The following RARG variants were observed in gnomAD, a reference collection of about 807,000 sequenced individuals.
The protein encoded by RARG is retinoic acid receptor gamma, also known as RAR-gamma.
Under a neutral mutation model 43.7 loss-of-function variants are expected in RARG, and 17 were observed. The ratio of observed to expected loss-of-function variants is 0.39; its 90% confidence interval spans 0.27 to 0.58. RARG has a LOEUF of 0.58. Among genes scored for constraint, RARG ranks in the 20% least tolerant of loss-of-function variants. The pLI is 0.57. For missense variants in RARG, 346 were observed against 598.7 expected, an observed-to-expected ratio of 0.58 and a Z score of 4.40; for synonymous variants, 238 against 236.4, an observed-to-expected ratio of 1.01 and a Z score of -0.06.
intron 3 of RARG, among the ~76,000 whole-genome samples, chr12:53,226,450 C>G (rs1943108317): frequency 6.6e-6 from 1 of 152,146 alleles, no homozygotes; most frequent in South Asian, 2.1e-4. Flanking sequence ...GCCTCAGCCT[C>G]CCAAGTAGCT....
chr12:53,221,849 C>T (rs187559407), intron 3 of RARG, among the ~76,000 whole-genome samples: 4,232 of 151,788 alleles, frequency 0.028, 121 homozygotes, highest in South Asian at 0.1. Context: ...CGGCCCGGCC[C>T]TTCCCCCGCC....
chr12:53,213,270 G>A lies in RARG; in HGVS notation c.1019-27C>T, dbSNP rs772890939. On this transcript the variant is annotated intron_variant, in intron 8 of 9. Coordinates refer to ENST00000425354, the MANE Select transcript of RARG (RefSeq NM_000966.6). The surrounding 1 kb of genome is among the most constrained non-coding windows in gnomAD (Gnocchi z 4.7). ...TATGGGGACAAGTATACTGGAGTGA[G>A]AGGGGAAGGAAGAGATGGGGAAGAC... 1.3e-6 allele frequency: 2 copies of A among 1,537,796 alleles called. No homozygotes were observed. The highest frequency in any genetic ancestry group is 1.7e-4 in the Middle Eastern group (1 of 5,882).
At position 53,231,974 on chromosome 12, in the gene RARG, CTGGAGT is replaced by C. The variant is rs1358573962; in HGVS notation, c.-216_-211del. ...GAGCCTGCTTCCCCGCCTGACTCAC[CTGGAGT>C]GGGAGGGGGAAGGGAGGCGGCGGAG... On this transcript the variant is annotated splice_region_variant and 5_prime_UTR_variant, in exon 1 of 10. Coordinates refer to ENST00000425354, the MANE Select transcript of RARG (RefSeq NM_000966.6). The C allele has an allele frequency of 7.6e-6, 3 of 396,558 alleles. No homozygotes were observed. Among genetic ancestry groups the C allele is most frequent in the Non-Finnish European group, 1.3e-5 (3 of 225,144 alleles). 24.6% of individuals were successfully genotyped at this position (396,558 alleles called of 1,614,324 possible).
chr12:53,223,741 G>C (rs1220036304), intron 3 of RARG, among the ~76,000 whole-genome samples: 2 of 152,136 alleles, frequency 1.3e-5, no homozygotes, highest in African/African-American at 4.8e-5. Context: ...GCACCTTTGG[G>C]CCTGGGTAGC....
intron 3 of RARG, among the ~76,000 whole-genome samples, chr12:53,216,077 A>G (rs1475380427): frequency 6.6e-6 from 1 of 152,170 alleles, no homozygotes; most frequent in Non-Finnish European, 1.5e-5. Flanking sequence ...TTAATCCTCC[A>G]AATTCCAGAC....
In RARG at chr12:53,213,163, G is replaced by A. The variant is rs1222949637; in HGVS notation, c.1099C>T (p.Arg367Cys). The A allele has an allele frequency of 3.1e-6, 5 of 1,613,250 alleles. No homozygotes were observed. The highest frequency in any genetic ancestry group is 1.7e-5 in the Admixed American group (1 of 59,996). ...ATGTAGGGCTGGCTGGGCCGCCGGC[G>A]CCGGGCGTACAGCCTCAGGGCTTCC... ...LLEALRLYAR[R>C]RRPSQPYMFP... The change falls in exon 9 of 10, where the codon CGC (arginine) becomes TGC (cysteine). Residue 367 changes from arginine (R) to cysteine (C), a missense_variant. Around this residue, in one of 8 missense-constraint regions of RARG, gnomAD observed 25 missense variants for 23.0 expected, o/e 1.09. Coordinates refer to ENST00000425354, the MANE Select transcript of RARG (RefSeq NM_000966.6). This position sits in a 1 kb window ranked among gnomAD's most constrained non-coding sequence, Gnocchi z 4.7.
At chr12:53,212,735 TATACACAC>T (rs1165307269) in intron 9 of RARG, among the ~76,000 whole-genome samples, 17 of 136,986 alleles carry the variant, frequency 1.2e-4, no homozygotes, top group African/African-American at 3.2e-4. Context: ...TAAATATATA[TATACACAC>T]ACACACACAC....
At position 53,213,584 on chromosome 12, in the gene RARG, A is replaced by G; in HGVS notation, c.930T>C (p.Leu310=). The G allele has an allele frequency of 6.2e-7, 1 of 1,613,960 alleles. No individual in the cohort carries two copies. Among genetic ancestry groups the G allele is most frequent in the Admixed American group, 1.7e-5 (1 of 60,016 alleles). ...GGAGCTGCCCAGCAAAGGCAAAGAC[A>G]AGGTCTGTGAGGGGCCCGAAGCCGG... The part of the protein sequence containing the change: ...HNAGFGPLTD[L]VFAFAGQLLP... The change falls in exon 8 of 10, where the codon CTT becomes CTC. Residue 310 remains leucine, a synonymous_variant. Transcript: ENST00000425354. The surrounding 1 kb of genome is among the most constrained non-coding windows in gnomAD (Gnocchi z 4.7).
At chr12:53,224,776 C>T (rs1322413009) in intron 3 of RARG, among the ~76,000 whole-genome samples, 2 of 152,074 alleles carry the variant, frequency 1.3e-5, no homozygotes, top group Non-Finnish European at 2.9e-5. Flanking sequence ...CCGCACCCTC[C>T]CCAGCTACCT....
chr12:53,214,169 T>A lies in RARG; in HGVS notation c.703A>T (p.Thr235Ser). The A allele has an allele frequency of 1.2e-6, 2 of 1,613,824 alleles. No homozygotes were observed. Among genetic ancestry groups the A allele is most frequent in the East Asian group, 2.2e-5 (1 of 44,868 alleles). Reference sequence around the variant, plus strand: ...TCCACGATCTTGATGATGCACTTGGTAGCCAGCTCACTGAACTTGTCCCAC... The same window carrying A: ...TCCACGATCTTGATGATGCACTTGGAAGCCAGCTCACTGAACTTGTCCCAC... ...GLWDKFSELA[T>S]KCIIKIVEFA... Residue 235 changes from threonine (T) to serine (S), a missense_variant, in exon 7 of 10, where the codon ACC becomes TCC. Thr to Ser is a moderately conservative substitution (Grantham distance 58, BLOSUM62 1). Transcript: ENST00000425354.
intron 3 of RARG, among the ~76,000 whole-genome samples, chr12:53,222,000 G>T (rs1942979622): frequency 6.6e-6 from 1 of 151,022 alleles, no homozygotes; most frequent in Non-Finnish European, 1.5e-5. Context: ...GTAGGCGAGG[G>T]ATGGCGGGCG....
chr12:53,227,769 G>T lies in RARG; in HGVS notation c.-142-82C>A. ...GCCCTGTGACCCTCTCTCAGTTGCAGTCTTCTCCCTCTGTGCTGCTACAGT... is the reference window on the plus strand; with the variant it reads ...GCCCTGTGACCCTCTCTCAGTTGCATTCTTCTCCCTCTGTGCTGCTACAGT... On this transcript the variant is annotated intron_variant, in intron 2 of 9. Transcript: ENST00000425354. This position sits in a 1 kb window ranked among gnomAD's most constrained non-coding sequence, Gnocchi z 4.3. 1 of 1,029,352 alleles carries T rather than the reference G, an allele frequency of 9.7e-7. No homozygotes were observed. The highest frequency in any genetic ancestry group is 1.3e-6 in the Non-Finnish European group (1 of 790,396). The allele number at this position is 1,029,352 out of a possible 1,614,324, so 63.8% of individuals were successfully genotyped here. A position where few individuals can be genotyped will look rare whatever the true frequency, so the allele number is the denominator to read the frequency against.
At chr12:53,220,038 G>T in intron 3 of RARG, 1 of 1,541,324 alleles carries the variant, frequency 6.5e-7, no homozygotes, top group South Asian at 1.2e-5. Flanking sequence ...AGCCGGCCCC[G>T]GGCCCGGCCG....
intron 3 of RARG, chr12:53,220,356 T>C (rs1592439236): frequency 9.4e-7 from 1 of 1,060,814 alleles, no homozygotes; most frequent in Admixed American, 7.1e-5. Context: ...CTTCGGCAGC[T>C]AGCACTGGGG....
At chr12:53,219,210 G>T (rs1469645384) in intron 3 of RARG, among the ~76,000 whole-genome samples, 8 of 152,220 alleles carry the variant, frequency 5.3e-5, no homozygotes, top group Admixed American at 5.2e-4. Flanking sequence ...TGAAGTTGTT[G>T]TGTGTTGGAG....
At chr12:53,220,199 GA>G in intron 3 of RARG, 3 of 1,543,204 alleles carry the variant, frequency 1.9e-6, no homozygotes, top group South Asian at 1.2e-5. Flanking sequence ...AGCAGGGGGG[GA>G]GGGGGAGGGC....
chr12:53,213,094 T>C lies in RARG; in HGVS notation c.1168A>G (p.Ser390Gly). ...LMKITDLRGISTKGAERAITL... is the reference protein window; with the variant it reads ...LMKITDLRGIGTKGAERAITL... The stretch of plus-strand genomic sequence containing the variant: ...CCCACTCATGACTCACCCTTAGTGC[T>C]GATGCCCCGGAGGTCGGTGATTTTC... The change falls in exon 9 of 10, where the codon AGC (serine) becomes GGC (glycine). Residue 390 changes from serine (S) to glycine (G), a missense_variant. By Grantham distance (56) the Ser-to-Gly change is moderately conservative (BLOSUM62 0). Transcript: ENST00000425354. This position sits in a 1 kb window ranked among gnomAD's most constrained non-coding sequence, Gnocchi z 4.7. 1 of 1,613,290 alleles carries C rather than the reference T, an allele frequency of 6.2e-7. No homozygotes were observed. Among genetic ancestry groups the C allele is most frequent in the South Asian group, 1.1e-5 (1 of 90,970 alleles).
chr12:53,214,416 T>C, intron 6 of RARG, 30 bp downstream of exon 6: 1 of 1,601,190 alleles, frequency 6.2e-7, no homozygotes. Context: ...AAGAGTGCCC[T>C]GCCCTCACTG....
rs965947456 is a variant in RARG at position 53,213,027 on chromosome 12, G to A, written c.1177+58C>T. On this transcript the variant is annotated intron_variant, in intron 9 of 9. Coordinates refer to ENST00000425354, the MANE Select transcript of RARG (RefSeq NM_000966.6). This position sits in a 1 kb window ranked among gnomAD's most constrained non-coding sequence, Gnocchi z 4.7. ...CTTGTCTCTGTGTGTCCTCCTGTCC[G>A]ACCTGGGAGACCAACAGCCCTGGGA... 1.4e-4 allele frequency: 213 copies of A among 1,531,798 alleles called. 1 individual carries two copies. The Admixed American group carries it at 3.6e-3, about 26-fold the overall frequency. 94.9% of individuals were successfully genotyped at this position (1,531,798 alleles called of 1,614,324 possible). A position where few individuals can be genotyped will look rare whatever the true frequency, so the allele number is the denominator to read the frequency against.
Sources: allele counts gnomAD v4.1 joint callset (sites outside exome capture counted in the v4.1 genomes callset), GRCh38; gene constraint gnomAD v4.1.1; regional missense constraint gnomAD v4.1.1; non-coding constraint Gnocchi (gnomAD v3.1); transcripts MANE v1.5; gene names NCBI Gene and HGNC (gene_info 2026-07-23, HGNC 2026-07-21).